GLIS3: variants seen among roughly 807,000 people sequenced by gnomAD.
GLIS3 encodes the protein zinc finger protein GLIS3.
A neutral mutation model predicts 78.6 loss-of-function variants in GLIS3; 53 were observed. That is an observed-to-expected ratio of 0.67 (90% CI 0.54 to 0.85). The LOEUF is 0.85. GLIS3 is among the 40% of genes least tolerant of loss of function. The probability of loss-of-function intolerance (pLI) is 0.00; values close to 1 mark genes in which losing one functional copy is unlikely to be tolerated. For missense variants in GLIS3, 1,703 were observed against 1,231.1 expected, an observed-to-expected ratio of 1.38 and a Z score of -5.74; for synonymous variants, 684 against 509.9, an observed-to-expected ratio of 1.34 and a Z score of -4.60.
At chr9:4,410,115 A>G in the GLIS3 span, among the ~76,000 whole-genome samples, 1 of 151,386 alleles carries the variant, frequency 6.6e-6, no homozygotes, top group African/African-American at 2.4e-5. Flanking sequence ...GGATTACAGA[A>G]ATGCACCACC....
chr9:4,203,619 A>T (rs372656967), intron 2 of GLIS3, among the ~76,000 whole-genome samples: 2 of 152,252 alleles, frequency 1.3e-5, no homozygotes, highest in Admixed American at 1.3e-4. Flanking sequence ...TATCCAAAAG[A>T]AAACAAATTT....
At chr9:4,185,534 T>C (rs939828404) in intron 2 of GLIS3, among the ~76,000 whole-genome samples, 1 of 152,204 alleles carries the variant, frequency 6.6e-6, no homozygotes. Context: ...AATTAGAGTG[T>C]GCCTTAAAGT....
chr9:4,367,055 T>C, the GLIS3 span, among the ~76,000 whole-genome samples: 14 of 152,230 alleles, frequency 9.2e-5, no homozygotes, highest in Non-Finnish European at 1.0e-4. Context: ...CCTTTATCTA[T>C]ACCTTTCCAG....
intron 4 of GLIS3, among the ~76,000 whole-genome samples, chr9:3,976,882 A>G (rs1307364232): frequency 6.7e-6 from 1 of 148,682 alleles, no homozygotes; most frequent in African/African-American, 2.5e-5. Flanking sequence ...AAAAAAAAAA[A>G]GCTTCTGACA....
chr9:4,397,175 G>A, the GLIS3 span, among the ~76,000 whole-genome samples: 49 of 140,454 alleles, frequency 3.5e-4, 3 homozygotes, highest in East Asian at 2.1e-3. Context: ...ACAGGTGCCC[G>A]CCACTACGCC....
chr9:4,267,999 G>T (rs928022058), intron 2 of GLIS3, among the ~76,000 whole-genome samples: 40 of 151,926 alleles, frequency 2.6e-4, no homozygotes, highest in African/African-American at 9.6e-4. Context: ...ATATATATGT[G>T]TGTGAATATA....
At chr9:4,457,161 G>C in the GLIS3 span, among the ~76,000 whole-genome samples, 1 of 151,974 alleles carries the variant, frequency 6.6e-6, no homozygotes, top group Non-Finnish European at 1.5e-5. Context: ...CCAGGAGTTT[G>C]AGACCAGCTG....
chr9:4,473,454 C>CACCAAAAAAAAAAAAAAAAA, the GLIS3 span, among the ~76,000 whole-genome samples: 4 of 58,850 alleles, frequency 6.8e-5, no homozygotes, highest in Non-Finnish European at 1.8e-4. Flanking sequence ...TCAACAACAA[C>CACCAAAAAAAAAAAAAAAAA]AACAACAAAA....
At chr9:4,342,581 GT>G (rs527786421) in intron 2 of GLIS3, among the ~76,000 whole-genome samples, 2 of 152,124 alleles carry the variant, frequency 1.3e-5, no homozygotes, top group Admixed American at 6.5e-5. Context: ...TATTTCAGCT[GT>G]TTTTTTGGTT....
intron 4 of GLIS3, among the ~76,000 whole-genome samples, chr9:4,096,804 G>C (rs969982381): frequency 2.0e-5 from 3 of 152,108 alleles, no homozygotes; most frequent in African/African-American, 7.2e-5. Context: ...TTGAACCCTG[G>C]AGCTCAAGAC....
At chr9:4,168,463 C>A (rs1259936302) in intron 2 of GLIS3, among the ~76,000 whole-genome samples, 1 of 152,084 alleles carries the variant, frequency 6.6e-6, no homozygotes, top group Admixed American at 6.6e-5. Flanking sequence ...GTTCCCACAA[C>A]AAAGTCACTA....
the GLIS3 span, among the ~76,000 whole-genome samples, chr9:4,467,551 G>T: frequency 2.3e-3 from 351 of 152,300 alleles, 2 homozygotes; most frequent in African/African-American, 7.9e-3. Flanking sequence ...AAACTCCAAA[G>T]GATCTGCAGC....
intron 8 of GLIS3, among the ~76,000 whole-genome samples, chr9:3,859,044 G>C (rs1388547533): frequency 1.3e-5 from 2 of 152,176 alleles, no homozygotes; most frequent in Non-Finnish European, 2.9e-5. Flanking sequence ...GAGAGGACAG[G>C]AGAGGCATGG....
At position 4,173,561 on chromosome 9, in the gene GLIS3, TACACACACACACACAC is replaced by T. The variant is rs34572625; in HGVS notation, c.389-47636_389-47621del. ...TAATATGTATATGTGTGTGTATAGA[TACACACACACACACAC>T]ACACACACACACACACACACACACA... is the stretch of plus-strand genomic sequence containing the variant. On this transcript the variant is annotated intron_variant, in intron 2 of 10. Coordinates refer to ENST00000381971, the MANE Select transcript of GLIS3 (RefSeq NM_001042413.2). 4.4e-3 allele frequency among the ~76,000 whole-genome samples: 641 copies of T among 146,526 alleles called. 3 individuals carry two copies. Among genetic ancestry groups the T allele is most frequent in the Middle Eastern group, 0.014 (4 of 288 alleles).
At chr9:4,358,913 T>C in the GLIS3 span, among the ~76,000 whole-genome samples, 5 of 152,298 alleles carry the variant, frequency 3.3e-5, no homozygotes, top group South Asian at 1.0e-3. Flanking sequence ...ACTCTCCCAC[T>C]CCAAGACTTT....
chr9:3,868,709 T>A (rs1194776172), intron 8 of GLIS3, among the ~76,000 whole-genome samples: 2 of 152,170 alleles, frequency 1.3e-5, no homozygotes, highest in Non-Finnish European at 1.5e-5. Flanking sequence ...ACACACAACT[T>A]CTTGTCCTCA....
chr9:4,008,753 C>G (rs749127248), intron 4 of GLIS3, among the ~76,000 whole-genome samples: 3 of 152,154 alleles, frequency 2.0e-5, no homozygotes, highest in Non-Finnish European at 2.9e-5. Flanking sequence ...GGTCTAAATG[C>G]CACCAATTGA....
At position 4,250,638 on chromosome 9, in the gene GLIS3, T is replaced by C. The variant is rs192489788; in HGVS notation, c.388+35400A>G. 1.2e-4 allele frequency among the ~76,000 whole-genome samples: 19 copies of C among 152,314 alleles called. No homozygotes were observed. In the East Asian group the frequency reaches 3.5e-3, roughly 28 times the overall value. On this transcript the variant is annotated intron_variant, in intron 2 of 10. Coordinates refer to ENST00000381971, the MANE Select transcript of GLIS3 (RefSeq NM_001042413.2). Reference sequence around the variant, plus strand: ...CAGTTCTGCTCTGATCTTAGTTATTTCTTGTCTGCTGCTAGTTTTTGAATT... The same window carrying C: ...CAGTTCTGCTCTGATCTTAGTTATTCCTTGTCTGCTGCTAGTTTTTGAATT...
At chr9:3,836,831 A>T (rs1818382160) in intron 9 of GLIS3, among the ~76,000 whole-genome samples, 1 of 152,032 alleles carries the variant, frequency 6.6e-6, no homozygotes, top group Admixed American at 6.5e-5. Context: ...GCTCACCACC[A>T]TCCCCTTCCA....
Sources: allele counts gnomAD v4.1 joint callset (sites outside exome capture counted in the v4.1 genomes callset), GRCh38; gene constraint gnomAD v4.1.1; transcripts MANE v1.5; gene names NCBI Gene and HGNC (gene_info 2026-07-23, HGNC 2026-07-21).